The following TTC3 variants were observed in gnomAD, a reference collection of about 807,000 sequenced individuals.
TTC3 encodes E3 ubiquitin-protein ligase TTC3.
Under a neutral mutation model 249.6 loss-of-function variants are expected in TTC3, and 180 were observed. The observed-to-expected ratio is 0.72, with a 90% CI of 0.64 to 0.82. The LOEUF (loss-of-function observed/expected upper bound fraction) is 0.82, where lower values mean the gene tolerates loss of function less well. TTC3 is among the 40% of genes least tolerant of loss of function. The pLI, the probability that TTC3 is intolerant of heterozygous loss-of-function variation, is 0.00. For missense variants in TTC3, 2,061 were observed against 2,398.4 expected, an observed-to-expected ratio of 0.86 and a Z score of 2.94; for synonymous variants, 717 against 805.0, an observed-to-expected ratio of 0.89 and a Z score of 1.85.
chr21:37,140,532 A>G (rs2078347741), intron 19 of TTC3, 29 bp from the exon 20 acceptor site: 2 of 1,412,782 alleles, frequency 1.4e-6, no homozygotes, highest in South Asian at 1.4e-5. Flanking sequence ...TTTGTATGTA[A>G]GTGATCATTG....
exon 27 of TTC3, chr21:37,153,173 A>C (rs1367575749): frequency 6.2e-7 from 1 of 1,614,216 alleles, no homozygotes; most frequent in Non-Finnish European, 8.5e-7. Flanking sequence ...CACTTGATTC[A>C]AGAAAATAAC....
rs755653346 is a variant in TTC3, at chr21:37,148,527, A to C, written c.2017-19A>C. The C allele has an allele frequency of 6.6e-7, 1 of 1,505,186 alleles. No individual in the cohort carries two copies. The highest frequency in any genetic ancestry group is 2.4e-5 in the East Asian group (1 of 41,414). The allele number at this position is 1,505,186 out of a possible 1,614,324, so 93.2% of individuals were successfully genotyped here. A position where few individuals can be genotyped will look rare whatever the true frequency, so the allele number is the denominator to read the frequency against. ...AGACATCTTTAAAACGTTAATTAAA[A>C]AATTTTTTGTAACCCTAGGGTTTTA... On this transcript the variant is annotated intron_variant, in intron 22 of 45. Transcript: ENST00000355666.
At chr21:37,093,316 T>G (rs1258048607) in intron 7 of TTC3, 1 of 148,244 alleles carries the variant, frequency 6.7e-6, no homozygotes, top group Non-Finnish European at 1.5e-5. Flanking sequence ...GAGGCGGAGT[T>G]TGCGGTGAGC....
At chr21:37,165,908 T>A (rs2081214001) in exon 33 of TTC3, 1 of 1,614,204 alleles carries the variant, frequency 6.2e-7, no homozygotes, top group Non-Finnish European at 8.5e-7. Context: ...AGCACCAGCT[T>A]TTGAAAATGT....
Position 37,146,511 on chromosome 21 carries a change from G to A in TTC3, c.1894-970G>A, listed in dbSNP as rs188410418. Among the ~76,000 whole-genome samples, 6 of 151,516 alleles carry A rather than the reference G, an allele frequency of 4.0e-5. No individual in the cohort carries two copies. The East Asian group carries it at 5.9e-4, about 15-fold the overall frequency. ...TCCAGCCTGAGTGACAGAGTGAGAC[G>A]CTGTCTCAAAAAAAAAAAAGAGTAC... On this transcript the variant is annotated intron_variant, in intron 21 of 45. Coordinates refer to ENST00000355666, the Ensembl canonical transcript of TTC3.
At chr21:37,180,131 G>T (rs934993433) in intron 35 of TTC3, among the ~76,000 whole-genome samples, 7 of 152,196 alleles carry the variant, frequency 4.6e-5, no homozygotes, top group African/African-American at 1.7e-4. Flanking sequence ...CCTTCTGTCT[G>T]CCATCACTTC....
chr21:37,129,662 G>A (rs1389580186), intron 16 of TTC3, among the ~76,000 whole-genome samples: 1 of 151,788 alleles, frequency 6.6e-6, no homozygotes, highest in Non-Finnish European at 1.5e-5. Flanking sequence ...ATAGGGTCTT[G>A]CTCTATCACT....
Position 37,187,023 on chromosome 21 carries a change from T to G in TTC3, c.4827-26T>G, listed in dbSNP as rs1305681403. On this transcript the variant is annotated intron_variant, in intron 37 of 45. Coordinates refer to ENST00000355666, the Ensembl canonical transcript of TTC3. ...CACTGTGAAATTTTGTTCAAGAAAGTTTTTTTTTTCCTTCAATATTTGTAG... is the reference window on the plus strand; with the variant it reads ...CACTGTGAAATTTTGTTCAAGAAAGGTTTTTTTTTCCTTCAATATTTGTAG... 2 of 1,348,878 alleles carry G rather than the reference T, an allele frequency of 1.5e-6. No individual in the cohort carries two copies. 83.6% of individuals were successfully genotyped at this position (1,348,878 alleles called of 1,614,324 possible).
intron 40 of TTC3, 33 bp downstream of exon 40, chr21:37,191,457 ATCTT>A: frequency 1.5e-6 from 2 of 1,372,372 alleles, no homozygotes; most frequent in Non-Finnish European, 2.0e-6. Flanking sequence ...TCCCATCAAA[ATCTT>A]TATGATAGTT....
At chr21:37,192,355 AT>A in intron 41 of TTC3, 142 bp downstream of exon 41, 2 of 576,980 alleles carry the variant, frequency 3.5e-6, no homozygotes, top group Non-Finnish European at 6.1e-6. Flanking sequence ...GGTGCTACTG[AT>A]TAACCTTTTA....
intron 35 of TTC3, among the ~76,000 whole-genome samples, chr21:37,181,384 G>C (rs907272899): frequency 2.6e-5 from 4 of 152,238 alleles, no homozygotes; most frequent in African/African-American, 9.6e-5. Context: ...GGATAGGTGA[G>C]AAACAAGATT....
intron 31 of TTC3, among the ~76,000 whole-genome samples, chr21:37,162,945 A>C (rs1183103590): frequency 6.6e-6 from 1 of 152,126 alleles, no homozygotes; most frequent in African/African-American, 2.4e-5. Flanking sequence ...GGCCTCTTTT[A>C]TAAGGGCAAT....
chr21:37,165,427 G>T, intron 32 of TTC3, 123 bp from the exon 33 acceptor site: 1 of 708,178 alleles, frequency 1.4e-6, no homozygotes, highest in South Asian at 2.3e-5. Context: ...TGTTGTTGAG[G>T]AAAGGTTGAG....
At chr21:37,125,958 C>A in intron 14 of TTC3, 122 bp from the exon 15 acceptor site, 1 of 783,620 alleles carries the variant, frequency 1.3e-6, no homozygotes, top group Non-Finnish European at 2.0e-6. Flanking sequence ...TAACCAGCTG[C>A]ATATTTTAGC....
intron 28 of TTC3, 34 bp from the exon 29 acceptor site, chr21:37,159,665 G>A (rs1297943513): frequency 6.2e-7 from 1 of 1,605,860 alleles, no homozygotes; most frequent in South Asian, 1.1e-5. Context: ...TAAATATTTA[G>A]TTTTCTCACA....
chr21:37,135,495 T>C (rs2147936396), exon 18 of TTC3: 1 of 1,612,868 alleles, frequency 6.2e-7, no homozygotes, highest in South Asian at 1.1e-5. Flanking sequence ...CTGAACGGTT[T>C]AGATCCTCAA....
At position 37,095,165 on chromosome 21, in the gene TTC3, A is replaced by G. The variant is rs113654732; in HGVS notation, c.688-185A>G. Among the ~76,000 whole-genome samples, 300 of 70,054 alleles carry G rather than the reference A, an allele frequency of 4.3e-3. 2 individuals are homozygous for G. Among genetic ancestry groups the G allele is most frequent in the African/African-American group, 8.4e-3 (214 of 25,326 alleles). 46.0% of individuals were successfully genotyped at this position (70,054 alleles called of 152,430 possible). Reference sequence around the variant, plus strand: ...TGTGTGTGTGTGTGTGTGTGTGTGTATAGTGGGTGTGTATATATATATGTA... The same window carrying G: ...TGTGTGTGTGTGTGTGTGTGTGTGTGTAGTGGGTGTGTATATATATATGTA... On this transcript the variant is annotated intron_variant, in intron 8 of 45. Transcript: ENST00000355666.
chr21:37,073,660 C>A (rs781131998), intron 1 of TTC3, among the ~76,000 whole-genome samples, 187 bp downstream of exon 1: 1 of 152,060 alleles, frequency 6.6e-6, no homozygotes, highest in Non-Finnish European at 1.5e-5. Context: ...GTGAGTAGTC[C>A]CTTTGTGCGC....
chr21:37,158,077 A>T, intron 28 of TTC3: 2 of 974,714 alleles, frequency 2.1e-6, no homozygotes, highest in South Asian at 4.7e-5. Flanking sequence ...ACTTTTGACA[A>T]CAAAAGTTCT....
Sources: gnomAD v4.1 joint callset for allele counts (sites outside exome capture counted in the v4.1 genomes callset) on GRCh38, gnomAD v4.1.1 for gene constraint, MANE v1.5 for transcripts, NCBI Gene and HGNC (gene_info 2026-07-23, HGNC 2026-07-21) for gene names.